Variants in NFATC3 observed in about 807,000 individuals in gnomAD.
The protein encoded by NFATC3 is nuclear factor of activated T-cells, cytoplasmic 3.
A neutral mutation model predicts 98.6 loss-of-function variants in NFATC3; 46 were observed. That is an observed-to-expected ratio of 0.47 (90% confidence interval 0.37 to 0.60). The LOEUF (loss-of-function observed/expected upper bound fraction) is 0.60. NFATC3 is among the 20% of genes least tolerant of loss of function. The pLI, the probability that NFATC3 is intolerant of heterozygous loss-of-function variation, is 0.00. For synonymous variants in NFATC3, 512 were observed against 472.2 expected (o/e 1.08, Z -1.09); for missense variants, 1,256 against 1,295.5 (o/e 0.97, Z 0.47).
At chr16:68,087,414 A>G (rs1462852197) in intron 1 of NFATC3, among the ~76,000 whole-genome samples, 2 of 152,262 alleles carry the variant, frequency 1.3e-5, no homozygotes, top group East Asian at 3.8e-4. Context: ...CCATTTTGAT[A>G]TTAAAATAGG....
chr16:68,087,446 CTTGA>C (rs2151434290), intron 1 of NFATC3, among the ~76,000 whole-genome samples: 1 of 152,238 alleles, frequency 6.6e-6, no homozygotes, highest in African/African-American at 2.4e-5. Flanking sequence ...TTATCTGTAA[CTTGA>C]TTTATAACTG....
At chr16:68,190,719 A>C in intron 8 of NFATC3, 49 bp from the exon 9 acceptor site, 1 of 1,527,546 alleles carries the variant, frequency 6.5e-7, no homozygotes, top group Non-Finnish European at 8.8e-7. Context: ...CTGTCATGAT[A>C]ATTTTATGTA....
At chr16:68,168,083 G>A (rs1283138370) in intron 5 of NFATC3, among the ~76,000 whole-genome samples, 1 of 151,698 alleles carries the variant, frequency 6.6e-6, no homozygotes, top group Non-Finnish European at 1.5e-5. Context: ...ATCCACCCGC[G>A]TTGGCCTCCC....
chr16:68,108,267 A>AG (rs1466656085), intron 1 of NFATC3, among the ~76,000 whole-genome samples: 1 of 152,172 alleles, frequency 6.6e-6, no homozygotes, highest in Non-Finnish European at 1.5e-5. Context: ...GGTGTAAGGA[A>AG]GGGATCCAGT....
rs2037527470 is a variant in NFATC3, at chr16:68,137,942, C to G, written c.1401+11332C>G. On this transcript the variant is annotated intron_variant, in intron 3 of 9. Coordinates refer to ENST00000346183, the MANE Select transcript of NFATC3 (RefSeq NM_173165.3). ...GCCGTATGTTTCATTTTCTAAAACA[C>G]TTTCACGTTATCTCATTTAATTCTC... is the stretch of plus-strand genomic sequence containing the variant. Among the ~76,000 whole-genome samples the G allele has an allele frequency of 2.0e-5, 3 of 150,684 alleles. No homozygotes were observed. In the South Asian group the frequency reaches 6.3e-4, roughly 32 times the overall value.
rs995876866 is a variant in NFATC3, at chr16:68,092,912, C to A, written c.103+7128C>A. The stretch of plus-strand genomic sequence containing the variant: ...AAATGACTTTTGTTTCCCCCCTTCT[C>A]TCTGCCCTGTGGCCAAAGTCTTGGT... On this transcript the variant is annotated intron_variant, in intron 1 of 9. Transcript: ENST00000346183. 2.0e-5 allele frequency among the ~76,000 whole-genome samples: 3 copies of A among 152,180 alleles called. No individual in the cohort carries two copies. In the East Asian group the frequency reaches 5.8e-4, roughly 29 times the overall value.
rs1464357373 is a variant in NFATC3, at chr16:68,226,901, AAAAAAAAAAAAAAAAAAAAAAAG to A, written c.*440_*462del. On this transcript the variant is annotated 3_prime_UTR_variant, in exon 10 of 10. Transcript: ENST00000346183. ...TTTGATAAGACCTTCTAGAAGCAAA[AAAAAAAAAAAAAAAAAAAAAAAG>A]AAAAAAAAAGAAAAGAAAAAAAGAA... 4.1e-5 allele frequency: 4 copies of A among 98,324 alleles called. No homozygotes were observed. The highest frequency in any genetic ancestry group is 9.2e-5 in the Non-Finnish European group (4 of 43,252). The allele number at this position is 98,324 out of a possible 1,614,324, so 6.1% of individuals were successfully genotyped here. A position where few individuals can be genotyped will look rare whatever the true frequency, so the allele number is the denominator to read the frequency against.
chr16:68,154,849 T>A (rs140603915), intron 3 of NFATC3, among the ~76,000 whole-genome samples: 1 of 152,150 alleles, frequency 6.6e-6, no homozygotes, highest in Non-Finnish European at 1.5e-5. Flanking sequence ...TCATAGGGAA[T>A]TTGAATTAGT....
At chr16:68,220,429 C>T (rs2041814691) in intron 9 of NFATC3, among the ~76,000 whole-genome samples, 1 of 151,958 alleles carries the variant, frequency 6.6e-6, no homozygotes, top group Non-Finnish European at 1.5e-5. Context: ...CCACTGCACT[C>T]TAGCCTGGGT....
chr16:68,162,329 A>G (rs994864364), intron 4 of NFATC3, among the ~76,000 whole-genome samples: 2 of 152,214 alleles, frequency 1.3e-5, no homozygotes, highest in African/African-American at 4.8e-5. Context: ...AGGATAAACT[A>G]GTATCCTAGT....
At chr16:68,158,661 G>GA (rs2038734995) in intron 4 of NFATC3, among the ~76,000 whole-genome samples, 1 of 152,098 alleles carries the variant, frequency 6.6e-6, no homozygotes, top group Non-Finnish European at 1.5e-5. Context: ...CCCCAAGCAA[G>GA]TTTTTTCTTC....
chr16:68,182,142 AAGAAC>A (rs1327486857), intron 7 of NFATC3, among the ~76,000 whole-genome samples: 4 of 152,206 alleles, frequency 2.6e-5, no homozygotes, highest in Non-Finnish European at 5.9e-5. Flanking sequence ...AAATTCAATA[AAGAAC>A]ATATGTATAG....
chr16:68,213,213 A>G (rs1046084146), intron 9 of NFATC3, among the ~76,000 whole-genome samples: 1 of 149,570 alleles, frequency 6.7e-6, no homozygotes, highest in Non-Finnish European at 1.5e-5. Flanking sequence ...CAGGAGATCA[A>G]GACCATCCTG....
intron 2 of NFATC3, among the ~76,000 whole-genome samples, chr16:68,125,669 G>C (rs927508408): frequency 9.2e-5 from 14 of 152,120 alleles, no homozygotes; most frequent in Middle Eastern, 3.2e-3. Flanking sequence ...CTGACACAGA[G>C]AGAGATGTTT....
intron 1 of NFATC3, among the ~76,000 whole-genome samples, chr16:68,094,114 T>C (rs2034879569): frequency 6.6e-6 from 1 of 152,186 alleles, no homozygotes; most frequent in South Asian, 2.1e-4. Context: ...ATTTAGCTCT[T>C]TTGGGCCTTT....
intron 1 of NFATC3, among the ~76,000 whole-genome samples, chr16:68,120,613 A>T (rs2036521347): frequency 6.6e-6 from 1 of 150,486 alleles, no homozygotes; most frequent in African/African-American, 2.4e-5. Context: ...CATGGTGGCG[A>T]GTGCCTGTAG....
Position 68,122,614 on chromosome 16 carries a change from C to CT in NFATC3, c.732dup (p.Pro245SerfsTer2). 6.2e-7 allele frequency: 1 copy of CT among 1,614,180 alleles called. No individual in the cohort carries two copies. The highest frequency in any genetic ancestry group is 8.5e-7 in the Non-Finnish European group (1 of 1,180,036). ...TCACCCAGGCAATCTCCTTGCCACT[C>CT]TCCTAGATCCAGTGTCACTGATGAG... On this transcript the variant is annotated frameshift_variant, in exon 2 of 10. Transcript: ENST00000346183. LOFTEE classifies it high-confidence loss of function.
chr16:68,099,486 A>G (rs1298166870), intron 1 of NFATC3, among the ~76,000 whole-genome samples: 1 of 151,678 alleles, frequency 6.6e-6, no homozygotes, highest in Non-Finnish European at 1.5e-5. Flanking sequence ...CTGTAATCTC[A>G]GCTACTGGGA....
At position 68,213,044 on chromosome 16, in the gene NFATC3, C is replaced by T. The variant is rs142762490; in HGVS notation, c.3107-13306C>T. Among the ~76,000 whole-genome samples the T allele has an allele frequency of 3.8e-3, 573 of 149,632 alleles. 12 individuals carry two copies. In the East Asian group the frequency reaches 0.06, roughly 16 times the overall value. ...TCGGTGTCCTCACCTCATGATCCAC[C>T]CGCCTCAGCCTCCCAAAGTGCTGGG... On this transcript the variant is annotated intron_variant, in intron 9 of 9. Transcript: ENST00000346183.
Sources: allele counts gnomAD v4.1 joint callset (sites outside exome capture counted in the v4.1 genomes callset), GRCh38; gene constraint gnomAD v4.1.1; transcripts MANE v1.5; gene names NCBI Gene and HGNC (gene_info 2026-07-23, HGNC 2026-07-21).